WDFY4: variants seen among roughly 807,000 people sequenced by gnomAD.
The protein encoded by WDFY4 is WDFY family member 4.
Under a neutral mutation model 351.9 loss-of-function variants are expected in WDFY4, and 169 were observed. The observed-to-expected ratio is 0.48, with a 90% CI of 0.42 to 0.55. WDFY4 has a LOEUF of 0.55. Ranked by LOEUF, WDFY4 falls within the 20% of genes least tolerant of loss-of-function variation. The pLI is 0.00. For synonymous variants in WDFY4, 1,622 were observed against 1,574.6 expected (o/e 1.03, Z -0.71); for missense variants, 3,803 against 3,935.6 (o/e 0.97, Z 0.90).
At chr10:48,687,042 A>G (rs2063069185) in intron 1 of WDFY4, among the ~76,000 whole-genome samples, 1 of 152,168 alleles carries the variant, frequency 6.6e-6, no homozygotes, top group African/African-American at 2.4e-5. Flanking sequence ...ATTGTCTGGT[A>G]CTGTATTTCT....
chr10:48,873,436 C>T lies in WDFY4; in HGVS notation c.6742-55C>T, dbSNP rs568368672. 4.1e-6 allele frequency: 6 copies of T among 1,475,780 alleles called. No individual in the cohort carries two copies. In the East Asian group the frequency reaches 7.4e-5, roughly 18 times the overall value. The allele number at this position is 1,475,780 out of a possible 1,614,324, so 91.4% of individuals were successfully genotyped here. On this transcript the variant is annotated intron_variant, in intron 40 of 61. Transcript: ENST00000325239. The stretch of plus-strand genomic sequence containing the variant: ...TCACCCCAGGAGGTTTGGGGCCAGG[C>T]CCATAAGGCCCATAAGGCAAATGTA...
intron 60 of WDFY4, among the ~76,000 whole-genome samples, chr10:48,980,289 T>G (rs1390584724): frequency 1.6e-5 from 2 of 124,742 alleles, no homozygotes; most frequent in Admixed American, 1.7e-4. Flanking sequence ...AAAGGCATGT[T>G]GTTCTTACAT....
intron 1 of WDFY4, among the ~76,000 whole-genome samples, chr10:48,691,290 G>A (rs559397568): frequency 1.3e-5 from 2 of 152,284 alleles, no homozygotes; most frequent in Admixed American, 1.3e-4. Context: ...TGCCCTGGGT[G>A]TCCTGTGCAG....
intron 39 of WDFY4, among the ~76,000 whole-genome samples, chr10:48,857,341 T>TTC (rs1249963930): frequency 2.6e-5 from 4 of 151,812 alleles, no homozygotes; most frequent in Admixed American, 6.6e-5. Flanking sequence ...GAAAATAGCT[T>TTC]TTTTTTTCCT....
chr10:48,974,534 T>A (rs1448138550), intron 57 of WDFY4, among the ~76,000 whole-genome samples: 9,175 of 71,698 alleles, frequency 0.13, 3,728 homozygotes, highest in South Asian at 0.23. Context: ...AAAAAACAAC[T>A]CATGACATGA....
chr10:48,902,342 C>A (rs1053097596), intron 47 of WDFY4, among the ~76,000 whole-genome samples: 8 of 152,194 alleles, frequency 5.3e-5, no homozygotes, highest in Middle Eastern at 3.4e-3. Context: ...TGCTTGCAGT[C>A]CCCCCCGCCG....
chr10:48,932,217 A>G (rs955673675), intron 47 of WDFY4, among the ~76,000 whole-genome samples: 8 of 152,220 alleles, frequency 5.3e-5, no homozygotes, highest in African/African-American at 1.4e-4. Context: ...GGCTTCTACC[A>G]CCAGTGGCGG....
intron 47 of WDFY4, chr10:48,913,242 GC>G (rs1838170400): frequency 1.4e-6 from 1 of 739,664 alleles, no homozygotes; most frequent in African/African-American, 1.8e-5. Flanking sequence ...ACAATCACAC[GC>G]CGAGAAAGTA....
At chr10:48,890,817 T>C in intron 44 of WDFY4, 90 bp downstream of exon 44, 1 of 1,507,518 alleles carries the variant, frequency 6.6e-7, no homozygotes, top group Non-Finnish European at 9.0e-7. Context: ...CACCTTGTTC[T>C]TACAGTGGGC....
chr10:48,803,501 T>G, intron 25 of WDFY4, 142 bp downstream of exon 25: 1 of 813,068 alleles, frequency 1.2e-6, no homozygotes, highest in Non-Finnish European at 1.9e-6. Context: ...CAGTGGCTCA[T>G]GCTTGTGGGG....
chr10:48,909,012 T>C (rs1375882034), intron 47 of WDFY4, among the ~76,000 whole-genome samples: 2 of 142,700 alleles, frequency 1.4e-5, no homozygotes, highest in Non-Finnish European at 3.0e-5. Flanking sequence ...CATGGAATCA[T>C]AGAGTATGTG....
chr10:48,800,722 CATTCTTTCT>C (rs1183826117), intron 24 of WDFY4, among the ~76,000 whole-genome samples: 14 of 111,710 alleles, frequency 1.3e-4, no homozygotes, highest in African/African-American at 5.6e-4. Flanking sequence ...TTCTTTCTTT[CATTCTTTCT>C]TTTTTTTTTT....
Position 48,719,995 on chromosome 10 carries a change from C to T in WDFY4, c.235-16C>T, listed in dbSNP as rs768803243. ...TGGCATTGCTATCTCTGACCAAGTC[C>T]CATCTGTTGCTTCAGGCCTGGGAAC... is the stretch of plus-strand genomic sequence containing the variant. On this transcript the variant is annotated splice_polypyrimidine_tract_variant and intron_variant, in intron 2 of 61. Transcript: ENST00000325239. 3.2e-6 allele frequency: 5 copies of T among 1,550,560 alleles called. No homozygotes were observed. In the South Asian group the frequency reaches 6.0e-5, roughly 18 times the overall value.
At chr10:48,827,675 A>T (rs1275466149) in intron 36 of WDFY4, among the ~76,000 whole-genome samples, 2 of 150,810 alleles carry the variant, frequency 1.3e-5, no homozygotes, top group Non-Finnish European at 3.0e-5. Flanking sequence ...CTTTTTCTTC[A>T]TTTTATTCAT....
chr10:48,723,367 C>T lies in WDFY4; in HGVS notation c.457-66C>T. On this transcript the variant is annotated intron_variant, in intron 4 of 61. Transcript: ENST00000325239. ...CTGAAATGGCTGCAGGGGCCTGATC[C>T]TGGGTCTGGGCTGACCTGCTTCTGC... 3 of 1,521,020 alleles carry T rather than the reference C, an allele frequency of 2.0e-6. No homozygotes were observed. In the South Asian group the frequency reaches 3.7e-5, roughly 19 times the overall value. 94.2% of individuals were successfully genotyped at this position (1,521,020 alleles called of 1,614,324 possible).
chr10:48,753,837 C>T (rs1000336821), intron 12 of WDFY4, among the ~76,000 whole-genome samples: 3 of 152,180 alleles, frequency 2.0e-5, no homozygotes, highest in African/African-American at 7.2e-5. Flanking sequence ...CTTAGGGTTT[C>T]CTACAATTCC....
intron 24 of WDFY4, among the ~76,000 whole-genome samples, chr10:48,803,008 C>A (rs2928392): frequency 0.29 from 43,504 of 152,008 alleles, 6,917 homozygotes; most frequent in East Asian, 0.7. Flanking sequence ...CAAGGCTGAG[C>A]AGATGGGGGA....
At chr10:48,747,277 G>T (rs1001518784) in intron 12 of WDFY4, among the ~76,000 whole-genome samples, 2 of 151,778 alleles carry the variant, frequency 1.3e-5, no homozygotes, top group East Asian at 3.9e-4. Flanking sequence ...TTCTCTGGTC[G>T]CTTTTAAGAT....
At chr10:48,838,139 G>T (rs916453106) in intron 39 of WDFY4, among the ~76,000 whole-genome samples, 1 of 152,240 alleles carries the variant, frequency 6.6e-6, no homozygotes, top group Admixed American at 6.5e-5. Flanking sequence ...GAAGCGTGAG[G>T]ATGATCCGCT....
Sources: gnomAD v4.1 joint callset for allele counts (sites outside exome capture counted in the v4.1 genomes callset) on GRCh38, gnomAD v4.1.1 for gene constraint, MANE v1.5 for transcripts, NCBI Gene and HGNC (gene_info 2026-07-23, HGNC 2026-07-21) for gene names.